Variants in WDFY4 observed in about 807,000 individuals in gnomAD.
The protein encoded by WDFY4 is WDFY family member 4.
In WDFY4, 169 loss-of-function variants were observed where a neutral mutation model predicts 351.9. That is an observed-to-expected ratio of 0.48 (90% confidence interval 0.42 to 0.55). WDFY4 has a LOEUF of 0.55. Ranked by LOEUF, WDFY4 falls within the 20% of genes least tolerant of loss-of-function variation. WDFY4 has a pLI of 0.00. For synonymous variants in WDFY4, 1,622 were observed against 1,574.6 expected, an observed-to-expected ratio of 1.03 and a Z score of -0.71; for missense variants, 3,803 against 3,935.6, an observed-to-expected ratio of 0.97 and a Z score of 0.90.
intron 8 of WDFY4, among the ~76,000 whole-genome samples, chr10:48,730,483 G>A (rs898554309): frequency 1.3e-5 from 2 of 152,180 alleles, no homozygotes; most frequent in African/African-American, 2.4e-5. Context: ...AGTGTCTCCT[G>A]GGGGAGAGAG....
intron 1 of WDFY4, among the ~76,000 whole-genome samples, chr10:48,704,911 A>G (rs904005519): frequency 1.3e-5 from 2 of 152,180 alleles, no homozygotes; most frequent in African/African-American, 4.8e-5. Context: ...GCATTCCCTT[A>G]ATCCTAATAG....
At chr10:48,874,990 C>T in intron 41 of WDFY4, 99 bp from the exon 42 acceptor site, 1 of 590,226 alleles carries the variant, frequency 1.7e-6, no homozygotes. Flanking sequence ...GAAGGGGTCA[C>T]ATGCATGTGC....
intron 39 of WDFY4, among the ~76,000 whole-genome samples, chr10:48,839,399 G>T (rs2068518795): frequency 6.6e-6 from 1 of 152,214 alleles, no homozygotes; most frequent in African/African-American, 2.4e-5. Flanking sequence ...TCAACATAAT[G>T]TTCGTGGGAA....
At chr10:48,952,039 G>A (rs541740500) in intron 51 of WDFY4, among the ~76,000 whole-genome samples, 1 of 152,380 alleles carries the variant, frequency 6.6e-6, no homozygotes, top group Non-Finnish European at 1.5e-5. Context: ...TTTTGTACAA[G>A]ACAGATGCTA....
Position 48,729,582 on chromosome 10 carries a change from G to C in WDFY4, c.1122G>C (p.Glu374Asp), listed in dbSNP as rs1489731633. The C allele has an allele frequency of 6.4e-7, 1 of 1,551,548 alleles. No homozygotes were observed. The highest frequency in any genetic ancestry group is 8.7e-7 in the Non-Finnish European group (1 of 1,146,980). The change falls in exon 8 of 62, where the codon GAG becomes GAC. Residue 374 changes from glutamate to aspartate, a missense_variant. Physicochemically the swap from Glu to Asp is conservative, Grantham distance 45 (BLOSUM62 2). Transcript: ENST00000325239. ...TTGAAGGCTTCAAGTTCCATCATGAGGCATCTGGTGAGTCTTTCCTGTGTC... is the reference window on the plus strand; with the variant it reads ...TTGAAGGCTTCAAGTTCCATCATGACGCATCTGGTGAGTCTTTCCTGTGTC... ...PQLEGFKFHH[E>D]ASGVTVKNLQ...
intron 43 of WDFY4, among the ~76,000 whole-genome samples, chr10:48,877,557 T>A (rs2070071207): frequency 6.6e-6 from 1 of 152,234 alleles, no homozygotes; most frequent in African/African-American, 2.4e-5. Flanking sequence ...CCCCTGTTTG[T>A]GGCCTGACCA....
Position 48,813,873 on chromosome 10 carries a change from T to C in WDFY4, c.5215-84T>C, listed in dbSNP as rs574968484. Reference sequence around the variant, plus strand: ...TTTTGCTTTTCCCACTGGGAACCCCTGGAAACATGATGAACTGGCTGCAAA... The same window carrying C: ...TTTTGCTTTTCCCACTGGGAACCCCCGGAAACATGATGAACTGGCTGCAAA... On this transcript the variant is annotated intron_variant, in intron 30 of 61. Transcript: ENST00000325239. 22 of 1,388,510 alleles carry C rather than the reference T, an allele frequency of 1.6e-5. 1 individual carries two copies. In the South Asian group the frequency reaches 3.2e-4, roughly 20 times the overall value. The allele number at this position is 1,388,510 out of a possible 1,614,324, so 86.0% of individuals were successfully genotyped here. A position where few individuals can be genotyped will look rare whatever the true frequency, so the allele number is the denominator to read the frequency against.
chr10:48,964,167 C>A, intron 54 of WDFY4, 113 bp downstream of exon 54: 1 of 1,160,890 alleles, frequency 8.6e-7, no homozygotes, highest in Non-Finnish European at 1.2e-6. Context: ...AAATGGTCCC[C>A]CATCATCTTC....
chr10:48,826,124 A>G (rs879127772), intron 35 of WDFY4, among the ~76,000 whole-genome samples: 1 of 152,140 alleles, frequency 6.6e-6, no homozygotes, highest in Non-Finnish European at 1.5e-5. Context: ...TCTTGAGTTA[A>G]TTTTCATATA....
intron 44 of WDFY4, among the ~76,000 whole-genome samples, chr10:48,897,117 C>A (rs772138784): frequency 6.6e-6 from 1 of 152,180 alleles, no homozygotes; most frequent in Admixed American, 6.5e-5. Context: ...GGCCTTCTCA[C>A]CCCGACCCTC....
intron 28 of WDFY4, among the ~76,000 whole-genome samples, chr10:48,808,752 A>G (rs2067340672): frequency 6.6e-6 from 1 of 152,226 alleles, no homozygotes; most frequent in African/African-American, 2.4e-5. Flanking sequence ...TGGAAATGAG[A>G]TAGTCCAGCC....
rs565384865 is a variant in WDFY4 at position 48,930,641 on chromosome 10, C to G, written c.7587-11165C>G. Among the ~76,000 whole-genome samples, 3 of 152,092 alleles carry G rather than the reference C, an allele frequency of 2.0e-5. No individual in the cohort carries two copies. The East Asian group carries it at 5.8e-4, about 29-fold the overall frequency. On this transcript the variant is annotated intron_variant, in intron 47 of 61. Coordinates refer to ENST00000325239, the MANE Select transcript of WDFY4 (RefSeq NM_001394531.1). ...AGAATCTCCCTTCAGGAAATAAGAA[C>G]AAGACTTTTGATAGAAACATGCTTA...
At chr10:48,721,838 A>G (rs1317591352) in intron 4 of WDFY4, among the ~76,000 whole-genome samples, 1 of 152,140 alleles carries the variant, frequency 6.6e-6, no homozygotes, top group Non-Finnish European at 1.5e-5. Flanking sequence ...AGTCTATCTG[A>G]TTCTAGAACC....
intron 27 of WDFY4, 135 bp downstream of exon 27, chr10:48,806,230 T>C (rs1279651197): frequency 1.3e-6 from 1 of 777,158 alleles, no homozygotes; most frequent in African/African-American, 1.7e-5. Flanking sequence ...TTCCAAGCCG[T>C]GGCCTGTGAG....
chr10:48,844,598 A>G (rs978354037), intron 39 of WDFY4, among the ~76,000 whole-genome samples: 1 of 152,098 alleles, frequency 6.6e-6, no homozygotes, highest in African/African-American at 2.4e-5. Context: ...TTCTCGAACA[A>G]AAAAGAAAAG....
chr10:48,725,233 G>A (rs150418280), intron 5 of WDFY4, among the ~76,000 whole-genome samples: 1 of 152,360 alleles, frequency 6.6e-6, no homozygotes, highest in East Asian at 1.9e-4. Context: ...AGTAGCTTGT[G>A]ATATTTGTCA....
chr10:48,805,051 G>C (rs2132867101), intron 25 of WDFY4, among the ~76,000 whole-genome samples: 1 of 152,128 alleles, frequency 6.6e-6, no homozygotes, highest in Non-Finnish European at 1.5e-5. Context: ...GGGGGCGGAG[G>C]GGACAGGCAG....
intron 13 of WDFY4, among the ~76,000 whole-genome samples, chr10:48,762,838 C>T (rs568108173): frequency 5.3e-5 from 8 of 152,338 alleles, no homozygotes; most frequent in African/African-American, 1.7e-4. Flanking sequence ...CTGCCAAGGA[C>T]TTAGGCCCAG....
At chr10:48,925,998 G>T (rs1589913390) in intron 47 of WDFY4, among the ~76,000 whole-genome samples, 1 of 152,164 alleles carries the variant, frequency 6.6e-6, no homozygotes, top group Non-Finnish European at 1.5e-5. Flanking sequence ...AGGCAGCAAA[G>T]AATACAGCCA....
Sources: allele counts gnomAD v4.1 joint callset (sites outside exome capture counted in the v4.1 genomes callset), GRCh38; gene constraint gnomAD v4.1.1; transcripts MANE v1.5; gene names NCBI Gene and HGNC (gene_info 2026-07-23, HGNC 2026-07-21).